ZNF385D: variants seen among roughly 807,000 people sequenced by gnomAD.
ZNF385D encodes zinc finger protein 659.
A neutral mutation model predicts 35.8 loss-of-function variants in ZNF385D; 15 were observed. The ratio of observed to expected loss-of-function variants is 0.42; its 90% CI spans 0.28 to 0.64. The LOEUF is 0.64. Ranked by LOEUF, ZNF385D falls within the 30% of genes least tolerant of loss-of-function variation. ZNF385D has a pLI of 0.23. For missense variants in ZNF385D, 474 were observed against 494.6 expected (o/e 0.96, Z 0.39); for synonymous variants, 212 against 186.8 (o/e 1.13, Z -1.10).
At chr3:21,569,807 G>A (rs976879891) in intron 2 of ZNF385D, among the ~76,000 whole-genome samples, 3 of 147,092 alleles carry the variant, frequency 2.0e-5, no homozygotes, top group Non-Finnish European at 4.5e-5. Context: ...CTATCGCAAG[G>A]ACAAAAAACC....
At chr3:22,283,721 A>T (rs2358585) in intron 2 of ZNF385D, among the ~76,000 whole-genome samples, 8,562 of 152,210 alleles carry the variant, frequency 0.056, 608 homozygotes, top group African/African-American at 0.16. Context: ...TGAGTTAATA[A>T]ATGTGTGATG....
At chr3:22,048,891 T>C (rs1224490960) in intron 3 of ZNF385D, among the ~76,000 whole-genome samples, 1 of 152,206 alleles carries the variant, frequency 6.6e-6, no homozygotes, top group Admixed American at 6.5e-5. Flanking sequence ...GAATATCTTT[T>C]CATTTGTCTG....
chr3:21,810,998 G>A (rs59919518), intron 3 of ZNF385D, among the ~76,000 whole-genome samples: 91,734 of 144,348 alleles, frequency 0.64, 29,491 homozygotes, highest in Middle Eastern at 0.71. Context: ...GTGTGTGTGT[G>A]TATATATATA....
chr3:21,670,496 T>C (rs1559505167), intron 1 of ZNF385D, among the ~76,000 whole-genome samples: 1 of 151,764 alleles, frequency 6.6e-6, no homozygotes, highest in Admixed American at 6.6e-5. Flanking sequence ...CAGTTAGAAT[T>C]TGCTATGTCC....
intron 1 of ZNF385D, among the ~76,000 whole-genome samples, chr3:21,703,033 AT>A (rs910473733): frequency 8.5e-5 from 13 of 152,180 alleles, no homozygotes; most frequent in Admixed American, 4.6e-4. Context: ...TCACTTCCAC[AT>A]TTTTGGGTAT....
chr3:21,710,888 C>T (rs2068074533), intron 1 of ZNF385D, among the ~76,000 whole-genome samples: 1 of 152,018 alleles, frequency 6.6e-6, no homozygotes, highest in Admixed American at 6.6e-5. Context: ...AGAATTCAGC[C>T]ATCACTCACT....
At chr3:22,076,790 T>C (rs997991023) in intron 3 of ZNF385D, among the ~76,000 whole-genome samples, 1 of 151,970 alleles carries the variant, frequency 6.6e-6, no homozygotes, top group Non-Finnish European at 1.5e-5. Flanking sequence ...TAGTGACTTA[T>C]TCTTGGACAA....
intron 4 of ZNF385D, among the ~76,000 whole-genome samples, chr3:21,460,598 G>T (rs1031188122): frequency 6.6e-6 from 1 of 152,068 alleles, no homozygotes; most frequent in African/African-American, 2.4e-5. Context: ...CAATGAATGG[G>T]TTCTCTAATG....
At chr3:22,361,014 T>C (rs1575197990) in intron 2 of ZNF385D, among the ~76,000 whole-genome samples, 1 of 152,188 alleles carries the variant, frequency 6.6e-6, no homozygotes, top group Middle Eastern at 3.4e-3. Context: ...TATTAAAATA[T>C]CCCATTTCAT....
intron 2 of ZNF385D, among the ~76,000 whole-genome samples, chr3:22,204,277 A>C (rs1697001697): frequency 6.6e-6 from 1 of 152,148 alleles, no homozygotes; most frequent in Non-Finnish European, 1.5e-5. Flanking sequence ...TAAGAATCAC[A>C]GCTTTACAGG....
Position 22,365,300 on chromosome 3 carries a change from G to T in ZNF385D, c.106+7150C>A, listed in dbSNP as rs184211232. Reference sequence around the variant, plus strand: ...GATAAAGTATGAATAAGTAAACATTGTCTATTCACTGAGGGCGAAATATCA... The same window carrying T: ...GATAAAGTATGAATAAGTAAACATTTTCTATTCACTGAGGGCGAAATATCA... On this transcript the variant is annotated intron_variant, in intron 2 of 5. Transcript: ENST00000494108. Among the ~76,000 whole-genome samples, 3 of 151,884 alleles carry T rather than the reference G, an allele frequency of 2.0e-5. No homozygotes were observed. The East Asian group carries it at 5.8e-4, about 29-fold the overall frequency.
intron 2 of ZNF385D, among the ~76,000 whole-genome samples, chr3:22,337,313 C>T (rs1695217429): frequency 6.6e-6 from 1 of 152,134 alleles, no homozygotes; most frequent in South Asian, 2.1e-4. Flanking sequence ...GGGGGCAGCT[C>T]ACTTGAGGCC....
chr3:21,841,634 A>C (rs1356233923), intron 3 of ZNF385D, among the ~76,000 whole-genome samples: 1 of 151,584 alleles, frequency 6.6e-6, no homozygotes, highest in East Asian at 1.9e-4. Context: ...CTTCCATTTT[A>C]TTTTTCTTGT....
chr3:22,214,751 C>T (rs372501850), intron 2 of ZNF385D, among the ~76,000 whole-genome samples: 2 of 152,036 alleles, frequency 1.3e-5, no homozygotes, highest in Non-Finnish European at 2.9e-5. Flanking sequence ...TGCTCTCAAA[C>T]CCTGTCTCCT....
At chr3:22,165,633 A>T (rs1354180161) in intron 3 of ZNF385D, among the ~76,000 whole-genome samples, 1 of 152,256 alleles carries the variant, frequency 6.6e-6, no homozygotes, top group Non-Finnish European at 1.5e-5. Context: ...GATTTAGTAC[A>T]GGAATATAGC....
At chr3:21,657,649 C>T (rs575441465) in intron 2 of ZNF385D, among the ~76,000 whole-genome samples, 52 of 151,910 alleles carry the variant, frequency 3.4e-4, no homozygotes, top group Non-Finnish European at 7.5e-4. Flanking sequence ...GCATTTTTCA[C>T]CTGAAAAGTT....
chr3:21,474,575 C>T (rs1005726917), intron 4 of ZNF385D, among the ~76,000 whole-genome samples: 3 of 152,208 alleles, frequency 2.0e-5, no homozygotes, highest in East Asian at 1.9e-4. Flanking sequence ...TTATCCTACA[C>T]CATCTGCTTA....
At chr3:22,335,737 G>T (rs1430429754) in intron 2 of ZNF385D, among the ~76,000 whole-genome samples, 3 of 151,956 alleles carry the variant, frequency 2.0e-5, no homozygotes, top group Non-Finnish European at 4.4e-5. Context: ...AAGGTTTTAA[G>T]GAACAACTTT....
intron 3 of ZNF385D, among the ~76,000 whole-genome samples, chr3:22,038,500 T>A (rs74738023): frequency 6.6e-6 from 1 of 152,116 alleles, no homozygotes; most frequent in Admixed American, 6.6e-5. Flanking sequence ...AGAGGTAGCA[T>A]TGGCAAATGT....
Sources: allele counts gnomAD v4.1 joint callset (sites outside exome capture counted in the v4.1 genomes callset), GRCh38; gene constraint gnomAD v4.1.1; transcripts MANE v1.5; gene names NCBI Gene and HGNC (gene_info 2026-07-23, HGNC 2026-07-21).